ODF4: variants seen among roughly 807,000 people sequenced by gnomAD.
The protein encoded by ODF4 is outer dense fiber protein 4.
In ODF4, 11 loss-of-function variants were observed where a neutral mutation model predicts 17.0. The ratio of observed to expected loss-of-function variants is 0.65; its 90% CI spans 0.41 to 1.07. ODF4 has a LOEUF of 1.07. ODF4 is among the 50% of genes least tolerant of loss of function. The pLI, the probability that ODF4 is intolerant of heterozygous loss-of-function variation, is 0.00. For missense variants in ODF4, 281 were observed against 310.2 expected (o/e 0.91, Z 0.71); for synonymous variants, 127 against 121.8 (o/e 1.04, Z -0.28).
At position 8,345,167 on chromosome 17, in the gene ODF4, G is replaced by T; in HGVS notation, c.455-176G>T. 1.2e-6 allele frequency: 1 copy of T among 801,590 alleles called. No homozygotes were observed. The highest frequency in any genetic ancestry group is 2.0e-6 in the Non-Finnish European group (1 of 508,720). 49.7% of individuals were successfully genotyped at this position (801,590 alleles called of 1,614,324 possible). The stretch of plus-strand genomic sequence containing the variant: ...GTGGGAGAACAGAACCGAGAATCGA[G>T]TTACATCATTTCTTGGTCACAGGAG... On this transcript the variant is annotated intron_variant, in intron 1 of 2. Transcript: ENST00000328248. The surrounding 1 kb of genome is among the most constrained non-coding windows in gnomAD (Gnocchi z 4.1).
Position 8,340,259 on chromosome 17 carries a change from T to C in ODF4, c.208T>C (p.Trp70Arg), listed in dbSNP as rs1377961443. Residue 70 changes from tryptophan (W) to arginine (R), a missense_variant, in exon 1 of 3, where the codon TGG becomes CGG. By Grantham distance (101) the Trp-to-Arg change is moderately radical. Coordinates refer to ENST00000328248, the MANE Select transcript of ODF4 (RefSeq NM_153007.5). ...QRQNSPLPFQ[W>R]RITHSFRWMA... The stretch of plus-strand genomic sequence containing the variant: ...CCAGAACTCTCCGCTGCCCTTTCAA[T>C]GGAGAATCACACACAGCTTCCGCTG... The C allele has an allele frequency of 1.9e-6, 3 of 1,614,138 alleles. No individual in the cohort carries two copies. Among genetic ancestry groups the C allele is most frequent in the Non-Finnish European group, 2.5e-6 (3 of 1,179,976 alleles).
Position 8,341,067 on chromosome 17 carries a change from G to A in ODF4, c.454+562G>A, listed in dbSNP as rs577379814. Among the ~76,000 whole-genome samples, 6 of 152,096 alleles carry A rather than the reference G, an allele frequency of 3.9e-5. No individual in the cohort carries two copies. In the East Asian group the frequency reaches 5.8e-4, roughly 15 times the overall value. ...TAGCCAGGCGTGGTGGCACATGCCC[G>A]TAATCCCAGCTACTCTGGAGACTGA... On this transcript the variant is annotated intron_variant, in intron 1 of 2. Transcript: ENST00000328248.
chr17:8,340,459 GCACTTTTA>G lies in ODF4; in HGVS notation c.411_418del (p.His137GlnfsTer7). On this transcript the variant is annotated frameshift_variant, in exon 1 of 3. Transcript: ENST00000328248. LOFTEE classifies it high-confidence loss of function. ...CCCACGTTATGTCCATGGGGCTCCT[GCACTTTTA>G]CAAATCCAGGAGCTGTTCTGACTTA... The G allele has an allele frequency of 6.2e-7, 1 of 1,613,546 alleles. No individual in the cohort carries two copies. Among genetic ancestry groups the G allele is most frequent in the East Asian group, 2.2e-5 (1 of 44,870 alleles).
intron 1 of ODF4, among the ~76,000 whole-genome samples, chr17:8,342,211 C>T (rs57799067): frequency 0.35 from 52,693 of 151,952 alleles, 9,484 homozygotes; most frequent in African/African-American, 0.45. Context: ...CCTTGCTCTA[C>T]GGAGTTACTC....
At chr17:8,341,517 C>T (rs527410835) in intron 1 of ODF4, among the ~76,000 whole-genome samples, 1 of 152,126 alleles carries the variant, frequency 6.6e-6, no homozygotes, top group South Asian at 2.1e-4. Context: ...TTTTTAGAGA[C>T]AAGGTCTCAC....
At chr17:8,344,124 A>C (rs971182956) in intron 1 of ODF4, among the ~76,000 whole-genome samples, 2 of 125,722 alleles carry the variant, frequency 1.6e-5, no homozygotes, top group Admixed American at 7.6e-5. Flanking sequence ...GGGCCTCCCT[A>C]TGTTGTCCAG....
chr17:8,345,517 G>A lies in ODF4; in HGVS notation c.589+40G>A. On this transcript the variant is annotated intron_variant, in intron 2 of 2. Transcript: ENST00000328248. The surrounding 1 kb of genome is among the most constrained non-coding windows in gnomAD (Gnocchi z 4.1). ...GGCCCTGGGGGAAGGAAGCGACATG[G>A]GTAGGGTAGGGCAGGGAAAGTGTGG... is the stretch of plus-strand genomic sequence containing the variant. The A allele has an allele frequency of 6.2e-7, 1 of 1,607,214 alleles. No homozygotes were observed. The highest frequency in any genetic ancestry group is 2.2e-5 in the East Asian group (1 of 44,860).
intron 1 of ODF4, among the ~76,000 whole-genome samples, chr17:8,341,722 C>T (rs7213527): frequency 0.72 from 109,015 of 151,854 alleles, 39,608 homozygotes; most frequent in African/African-American, 0.83. Flanking sequence ...GAGTTCTTTC[C>T]CTGCTCCTGG....
At position 8,340,389 on chromosome 17, in the gene ODF4, A is replaced by T; in HGVS notation, c.338A>T (p.Tyr113Phe). The change falls in exon 1 of 3, where the codon TAC becomes TTC. Residue 113 changes from tyrosine to phenylalanine, a missense_variant. Coordinates refer to ENST00000328248, the MANE Select transcript of ODF4 (RefSeq NM_153007.5). ...KWLDLSRSLF[Y>F]QRWPVDVSNR... ...CTGGACCTCTCTAGGAGCCTCTTCTACCAGCGCTGGCCCGTGGATGTCAGC... is the reference window on the plus strand; with the variant it reads ...CTGGACCTCTCTAGGAGCCTCTTCTTCCAGCGCTGGCCCGTGGATGTCAGC... The T allele has an allele frequency of 2.5e-6, 4 of 1,613,450 alleles. No individual in the cohort carries two copies. Among genetic ancestry groups the T allele is most frequent in the Non-Finnish European group, 3.4e-6 (4 of 1,179,570 alleles).
In ODF4 at chr17:8,345,678, C is replaced by T. The variant is rs765000328; in HGVS notation, c.600C>T (p.Cys200=). Residue 200 remains cysteine, a synonymous_variant, in exon 3 of 3, where the codon TGC becomes TGT. Coordinates refer to ENST00000328248, the MANE Select transcript of ODF4 (RefSeq NM_153007.5). The surrounding 1 kb of genome is among the most constrained non-coding windows in gnomAD (Gnocchi z 4.1). ...CCTGTCCTTTCCCAGCGATCCTTTG[C>T]TACTTCAACCATAAAAGTTTCTGGA... ...LILYFTCAIL[C]YFNHKSFWSL... The T allele has an allele frequency of 6.2e-7, 1 of 1,613,928 alleles. No homozygotes were observed. The highest frequency in any genetic ancestry group is 1.7e-5 in the Admixed American group (1 of 59,996).
rs1441002364 is a variant in ODF4 at position 8,340,333 on chromosome 17, A to G, written c.282A>G (p.Leu94=). Residue 94 remains leucine, a synonymous_variant, in exon 1 of 3, where the codon CTA becomes CTG. Coordinates refer to ENST00000328248, the MANE Select transcript of ODF4 (RefSeq NM_153007.5). ...ASELSLVAFI[L]LLVVAFSKKW... is the part of the protein sequence containing the mutation. ...AGCTCAGCCTGGTTGCCTTTATCCT[A>G]CTATTGGTCGTGGCCTTCTCCAAGA... The G allele has an allele frequency of 1.2e-6, 2 of 1,612,880 alleles. No individual in the cohort carries two copies. The highest frequency in any genetic ancestry group is 1.3e-5 in the African/African-American group (1 of 74,880).
chr17:8,345,253 T>G lies in ODF4; in HGVS notation c.455-90T>G. The G allele has an allele frequency of 2.5e-6, 3 of 1,192,726 alleles. No individual in the cohort carries two copies. The South Asian group carries it at 4.1e-5, about 16-fold the overall frequency. The allele number at this position is 1,192,726 out of a possible 1,614,324, so 73.9% of individuals were successfully genotyped here. ...GGGCCAGTCACTCTGTGTGTGGTGATGTGGTTTGTGGCTGTAGCCTAGCAG... is the reference window on the plus strand; with the variant it reads ...GGGCCAGTCACTCTGTGTGTGGTGAGGTGGTTTGTGGCTGTAGCCTAGCAG... On this transcript the variant is annotated intron_variant, in intron 1 of 2. Transcript: ENST00000328248. This position sits in a 1 kb window ranked among gnomAD's most constrained non-coding sequence, Gnocchi z 4.1.
At position 8,342,623 on chromosome 17, in the gene ODF4, A is replaced by G. The variant is rs111859498; in HGVS notation, c.454+2118A>G. Among the ~76,000 whole-genome samples the G allele has an allele frequency of 3.8e-3, 582 of 152,348 alleles. 5 individuals are homozygous for G. Among genetic ancestry groups the G allele is most frequent in the African/African-American group, 0.013 (557 of 41,590 alleles). On this transcript the variant is annotated intron_variant, in intron 1 of 2. Coordinates refer to ENST00000328248, the MANE Select transcript of ODF4 (RefSeq NM_153007.5). ...TAAACAGTGAAAATTCAAAGAATACAAAAGATTGTATACTGAAGTGAGTCT... is the reference window on the plus strand; with the variant it reads ...TAAACAGTGAAAATTCAAAGAATACGAAAGATTGTATACTGAAGTGAGTCT...
chr17:8,345,648 C>T lies in ODF4; in HGVS notation c.590-20C>T. On this transcript the variant is annotated intron_variant, in intron 2 of 2. Coordinates refer to ENST00000328248, the MANE Select transcript of ODF4 (RefSeq NM_153007.5). The surrounding 1 kb of genome is among the most constrained non-coding windows in gnomAD (Gnocchi z 4.1). ...CTCCCAGTCACAACTTTCCTCTCCC[C>T]TGTCCCTGTCCTTTCCCAGCGATCC... 6.2e-7 allele frequency: 1 copy of T among 1,610,598 alleles called. No homozygotes were observed. The highest frequency in any genetic ancestry group is 8.5e-7 in the Non-Finnish European group (1 of 1,177,116).
chr17:8,345,596 T>A lies in ODF4; in HGVS notation c.590-72T>A. 2.0e-6 allele frequency: 3 copies of A among 1,531,818 alleles called. No homozygotes were observed. In the East Asian group the frequency reaches 6.8e-5, roughly 34 times the overall value. 94.9% of individuals were successfully genotyped at this position (1,531,818 alleles called of 1,614,324 possible). A position where few individuals can be genotyped will look rare whatever the true frequency, so the allele number is the denominator to read the frequency against. On this transcript the variant is annotated intron_variant, in intron 2 of 2. Transcript: ENST00000328248. This position sits in a 1 kb window ranked among gnomAD's most constrained non-coding sequence, Gnocchi z 4.1. ...AGATTTTTAGGGTCTTATCTTCCCT[T>A]TGGTCTCACCCTACTTGTCACTTAA...
rs774408682 is a variant in ODF4 at position 8,345,359 on chromosome 17, C to T, written c.471C>T (p.Ser157=). Residue 157 remains serine (S), a synonymous_variant, in exon 2 of 3, where the codon TCC becomes TCT. Coordinates refer to ENST00000328248, the MANE Select transcript of ODF4 (RefSeq NM_153007.5). This position sits in a 1 kb window ranked among gnomAD's most constrained non-coding sequence, Gnocchi z 4.1. ...GTCTCCTAGTCACCTTCATCTTCTCCACCCTCATGCTATTCCCCATTAACA... is the reference window on the plus strand; with the variant it reads ...GTCTCCTAGTCACCTTCATCTTCTCTACCCTCATGCTATTCCCCATTAACA... ...LENGKVTFIF[S]TLMLFPINIW... is the part of the protein sequence containing the mutation. 6.2e-7 allele frequency: 1 copy of T among 1,613,746 alleles called. No individual in the cohort carries two copies. Among genetic ancestry groups the T allele is most frequent in the South Asian group, 1.1e-5 (1 of 91,064 alleles).
At position 8,345,798 on chromosome 17, in the gene ODF4, C is replaced by T. The variant is rs2302869; in HGVS notation, c.720C>T (p.Thr240=). 87,687 of 1,613,706 alleles carry T rather than the reference C, an allele frequency of 0.054. 5,646 individuals carry two copies. Among genetic ancestry groups the T allele is most frequent in the East Asian group, 0.34 (15,449 of 44,846 alleles). The change falls in exon 3 of 3, where the codon ACC becomes ACT. Residue 240 remains threonine (T), a synonymous_variant. Coordinates refer to ENST00000328248, the MANE Select transcript of ODF4 (RefSeq NM_153007.5). The surrounding 1 kb of genome is among the most constrained non-coding windows in gnomAD (Gnocchi z 4.1). ...CAAGGGCACAGACGATCACAGACAC[C>T]CCCATCACCCAGGAGGGAGTCCTGG... is the stretch of plus-strand genomic sequence containing the variant. ...ESPRAQTITD[T]PITQEGVLDP...
In ODF4 at chr17:8,345,614, TCA is replaced by T; in HGVS notation, c.590-52_590-51del. The T allele has an allele frequency of 6.4e-7, 1 of 1,559,120 alleles. No individual in the cohort carries two copies. Among genetic ancestry groups the T allele is most frequent in the South Asian group, 1.1e-5 (1 of 88,090 alleles). ...CTTCCCTTTGGTCTCACCCTACTTGTCACTTAACCTCCCAGTCACAACTTTCC... is the reference window on the plus strand; with the variant it reads ...CTTCCCTTTGGTCTCACCCTACTTGTCTTAACCTCCCAGTCACAACTTTCC... On this transcript the variant is annotated intron_variant, in intron 2 of 2. Coordinates refer to ENST00000328248, the MANE Select transcript of ODF4 (RefSeq NM_153007.5). This position sits in a 1 kb window ranked among gnomAD's most constrained non-coding sequence, Gnocchi z 4.1.
At position 8,345,921 on chromosome 17, in the gene ODF4, C is replaced by T; in HGVS notation, c.*69C>T. On this transcript the variant is annotated 3_prime_UTR_variant, in exon 3 of 3. Coordinates refer to ENST00000328248, the MANE Select transcript of ODF4 (RefSeq NM_153007.5). The surrounding 1 kb of genome is among the most constrained non-coding windows in gnomAD (Gnocchi z 4.1). ...CCCCATCTCCTCATCCTCCCCCAGC[C>T]CTTGAATAGGTTGGTCCTCATCATT... 7.5e-7 allele frequency: 1 copy of T among 1,339,490 alleles called. No individual in the cohort carries two copies. The allele number at this position is 1,339,490 out of a possible 1,614,324, so 83.0% of individuals were successfully genotyped here. A position where few individuals can be genotyped will look rare whatever the true frequency, so the allele number is the denominator to read the frequency against.
Sources: gnomAD v4.1 joint callset for allele counts (sites outside exome capture counted in the v4.1 genomes callset) on GRCh38, gnomAD v4.1.1 for gene constraint, Gnocchi (gnomAD v3.1) non-coding constraint, MANE v1.5 for transcripts, NCBI Gene and HGNC (gene_info 2026-07-23, HGNC 2026-07-21) for gene names.